The following CCDC81 variants were observed in gnomAD, a reference collection of about 807,000 sequenced individuals.
CCDC81 encodes the protein coiled-coil domain containing 81, also known as coiled-coil domain-containing protein 81.
A neutral mutation model predicts 83.7 loss-of-function variants in CCDC81; 79 were observed. That is an observed-to-expected ratio of 0.94 (90% CI 0.79 to 1.14). CCDC81 has a LOEUF of 1.14. Among genes scored for constraint, CCDC81 ranks in the 50% most tolerant of loss-of-function variants. CCDC81 has a pLI of 0.00. For missense variants in CCDC81, 791 were observed against 778.1 expected (o/e 1.02, Z -0.20); for synonymous variants, 252 against 278.1 (o/e 0.91, Z 0.93).
At chr11:86,420,294 A>C (rs1383499691) in intron 14 of CCDC81, among the ~76,000 whole-genome samples, 1 of 152,226 alleles carries the variant, frequency 6.6e-6, no homozygotes, top group African/African-American at 2.4e-5. Context: ...GCCTCTGCTT[A>C]GGGTGGCTTT....
rs572107721 is a variant in CCDC81 at position 86,395,082 on chromosome 11, G to T, written c.556-252G>T. 4.2e-5 allele frequency: 13 copies of T among 313,068 alleles called. No homozygotes were observed. The South Asian group carries it at 1.1e-3, about 27-fold the overall frequency. The allele number at this position is 313,068 out of a possible 1,614,324, so 19.4% of individuals were successfully genotyped here. A position where few individuals can be genotyped will look rare whatever the true frequency, so the allele number is the denominator to read the frequency against. On this transcript the variant is annotated intron_variant, in intron 4 of 14. Transcript: ENST00000445632. ...CTAAAAGAATCTGTCAACTCTGAAG[G>T]CAATTCCCTAAAAGGAAATGGTTTG... is the stretch of plus-strand genomic sequence containing the variant.
At chr11:86,401,459 T>C (rs1360419710) in intron 7 of CCDC81, among the ~76,000 whole-genome samples, 2 of 152,206 alleles carry the variant, frequency 1.3e-5, no homozygotes, top group African/African-American at 4.8e-5. Context: ...TTATCAGCTA[T>C]CATATGTGCA....
chr11:86,403,824 G>A (rs777402615), intron 7 of CCDC81, among the ~76,000 whole-genome samples: 2 of 152,166 alleles, frequency 1.3e-5, no homozygotes, highest in Non-Finnish European at 2.9e-5. Flanking sequence ...AGTATAACTC[G>A]TTTGGGGAAA....
intron 7 of CCDC81, among the ~76,000 whole-genome samples, chr11:86,405,018 T>C (rs1948545739): frequency 6.6e-6 from 1 of 152,210 alleles, no homozygotes; most frequent in Admixed American, 6.5e-5. Context: ...TATACTACTA[T>C]TCCTTAGATG....
At chr11:86,420,096 G>C in intron 14 of CCDC81, 43 bp downstream of exon 14, 1 of 1,594,828 alleles carries the variant, frequency 6.3e-7, no homozygotes, top group Non-Finnish European at 8.5e-7. Context: ...GCTCCTTGTG[G>C]GACAGCAACA....
At chr11:86,401,922 G>A in intron 7 of CCDC81, among the ~76,000 whole-genome samples, 1 of 151,958 alleles carries the variant, frequency 6.6e-6, no homozygotes, top group East Asian at 1.9e-4. Flanking sequence ...GGATCACGAG[G>A]TCAGGAAATC....
rs190457632 is a variant in CCDC81, at chr11:86,398,772, C to T, written c.757+1030C>T. ...ATTTTTAGTAGAGATGGGGTTTCACCGTATTGGCCAGGCTGGTCTCAAACT... is the reference window on the plus strand; with the variant it reads ...ATTTTTAGTAGAGATGGGGTTTCACTGTATTGGCCAGGCTGGTCTCAAACT... On this transcript the variant is annotated intron_variant, in intron 6 of 14. Coordinates refer to ENST00000445632, the MANE Select transcript of CCDC81 (RefSeq NM_001156474.2). Among the ~76,000 whole-genome samples the T allele has an allele frequency of 1.4e-3, 210 of 152,088 alleles. 2 individuals are homozygous for T. The highest frequency in any genetic ancestry group is 4.9e-3 in the African/African-American group (202 of 41,466).
intron 6 of CCDC81, among the ~76,000 whole-genome samples, chr11:86,398,403 G>A (rs867981645): frequency 8.5e-5 from 13 of 152,232 alleles, no homozygotes; most frequent in Middle Eastern, 3.4e-3. Context: ...AAAACAAAGA[G>A]TGGCAGTTTT....
chr11:86,375,227 T>G lies in CCDC81; in HGVS notation c.64T>G (p.Ser22Ala). The change falls in exon 1 of 15, where the codon TCG becomes GCG. Residue 22 changes from serine to alanine, a missense_variant. Coordinates refer to ENST00000445632, the MANE Select transcript of CCDC81 (RefSeq NM_001156474.2). The stretch of plus-strand genomic sequence containing the variant: ...CAGGCAGGTGCTGCCCACTCTGCCC[T>G]CGCTGAGCCAGGAGGGTAAGCGTGT... The part of the protein sequence containing the change: ...LGRQVLPTLP[S>A]LSQEEVSIIW... 1 of 1,611,302 alleles carries G rather than the reference T, an allele frequency of 6.2e-7. No homozygotes were observed. The highest frequency in any genetic ancestry group is 1.1e-5 in the South Asian group (1 of 91,064).
chr11:86,380,936 T>C (rs1465231898), intron 1 of CCDC81, among the ~76,000 whole-genome samples: 1 of 152,226 alleles, frequency 6.6e-6, no homozygotes, highest in Non-Finnish European at 1.5e-5. Flanking sequence ...CTGGCTCTGA[T>C]GGTTGCTCTG....
rs148660677 is a variant in CCDC81, at chr11:86,381,479, G to C, written c.80-4572G>C. ...TGTGGGGACCCTCCCTCCATGACTGGGTTCCCCTGGAGGTTTTAACTCTTG... is the reference window on the plus strand; with the variant it reads ...TGTGGGGACCCTCCCTCCATGACTGCGTTCCCCTGGAGGTTTTAACTCTTG... On this transcript the variant is annotated intron_variant, in intron 1 of 14. Coordinates refer to ENST00000445632, the MANE Select transcript of CCDC81 (RefSeq NM_001156474.2). Among the ~76,000 whole-genome samples, 875 of 152,248 alleles carry C rather than the reference G, an allele frequency of 5.7e-3. 7 individuals carry two copies. The highest frequency in any genetic ancestry group is 0.02 in the African/African-American group (820 of 41,536).
At chr11:86,392,062 C>T (rs1014776976) in intron 3 of CCDC81, among the ~76,000 whole-genome samples, 54 of 152,266 alleles carry the variant, frequency 3.5e-4, no homozygotes, top group South Asian at 6.2e-4. Context: ...GAAGGATCCA[C>T]CCCCATGATC....
Position 86,392,690 on chromosome 11 carries a change from G to T in CCDC81, c.448G>T (p.Gly150Ter), listed in dbSNP as rs1242618412. 1.4e-5 allele frequency: 21 copies of T among 1,551,548 alleles called. No homozygotes were observed. Among genetic ancestry groups the T allele is most frequent in the Middle Eastern group, 1.7e-4 (1 of 6,014 alleles). ...ACAAAATGTGGAGTTTACATTCAAAGGAATTGGGGTCCTCATGATCAGAGA... is the reference window on the plus strand; with the variant it reads ...ACAAAATGTGGAGTTTACATTCAAATGAATTGGGGTCCTCATGATCAGAGA... Reference protein sequence around the residue: ...MKQNVEFTFKGIGVLMIRDSK... With the variant: ...MKQNVEFTFK Residue 150 changes from glycine (G) to a stop codon, truncating the protein, a stop_gained, in exon 4 of 15, where the codon GGA becomes TGA. Transcript: ENST00000445632. LOFTEE classifies it high-confidence loss of function.
Position 86,407,604 on chromosome 11 carries a change from GT to G in CCDC81, c.882-5del. The stretch of plus-strand genomic sequence containing the variant: ...ATTAAACATTAATTAATGTTGCATT[GT>G]TTTTATAGCTTATCATATCCAAGTT... On this transcript the variant is annotated splice_polypyrimidine_tract_variant and intron_variant, in intron 7 of 14. Coordinates refer to ENST00000445632, the MANE Select transcript of CCDC81 (RefSeq NM_001156474.2). 3.1e-6 allele frequency: 5 copies of G among 1,591,804 alleles called. No individual in the cohort carries two copies. Among genetic ancestry groups the G allele is most frequent in the Non-Finnish European group, 4.3e-6 (5 of 1,161,240 alleles).
chr11:86,411,681 C>T (rs1161699771), intron 10 of CCDC81, among the ~76,000 whole-genome samples: 2 of 152,350 alleles, frequency 1.3e-5, no homozygotes, highest in East Asian at 3.9e-4. Context: ...TAAATGCTAA[C>T]TCACAACCTA....
At chr11:86,392,190 G>T (rs1168741590) in intron 3 of CCDC81, among the ~76,000 whole-genome samples, 3 of 152,126 alleles carry the variant, frequency 2.0e-5, no homozygotes, top group African/African-American at 7.2e-5. Context: ...TGTCCTAAAA[G>T]ATAAGGGGGA....
rs58735003 is a variant in CCDC81 at position 86,377,172 on chromosome 11, G to GT, written c.79+1942dup. ...ATTCCATTATCTAGATGTACCACAG[G>GT]TTTTTTTTTTTTAATCTGTCCACCC... On this transcript the variant is annotated intron_variant, in intron 1 of 14. Coordinates refer to ENST00000445632, the MANE Select transcript of CCDC81 (RefSeq NM_001156474.2). Among the ~76,000 whole-genome samples, 250 of 146,778 alleles carry GT rather than the reference G, an allele frequency of 1.7e-3. 1 individual carries two copies. The highest frequency in any genetic ancestry group is 4.2e-3 in the African/African-American group (168 of 40,178).
chr11:86,418,777 T>G (rs79394728), intron 13 of CCDC81, among the ~76,000 whole-genome samples: 3,656 of 152,260 alleles, frequency 0.024, 49 homozygotes, highest in Middle Eastern at 0.065. Flanking sequence ...GTGAAGGCGT[T>G]CTGGAGATTG....
At chr11:86,382,799 G>A (rs1034921410) in intron 1 of CCDC81, among the ~76,000 whole-genome samples, 1 of 152,134 alleles carries the variant, frequency 6.6e-6, no homozygotes, top group African/African-American at 2.4e-5. Context: ...AGACAGTTAG[G>A]AGAAAACCCA....
Sources: gnomAD v4.1 joint callset for allele counts (sites outside exome capture counted in the v4.1 genomes callset) on GRCh38, gnomAD v4.1.1 for gene constraint, MANE v1.5 for transcripts, NCBI Gene and HGNC (gene_info 2026-07-23, HGNC 2026-07-21) for gene names.